DNM1L: variants seen among roughly 807,000 people sequenced by gnomAD.
The protein encoded by DNM1L is dynamin 1L.
DNM1L carries 33 observed loss-of-function variants against 92.8 expected under a neutral mutation model. The observed-to-expected ratio is 0.36, with a 90% CI of 0.27 to 0.48. The LOEUF (loss-of-function observed/expected upper bound fraction) is 0.48. Ranked by LOEUF, DNM1L falls within the 20% of genes least tolerant of loss-of-function variation. The pLI is 0.99. For synonymous variants in DNM1L, 284 were observed against 305.0 expected (o/e 0.93, Z 0.72); for missense variants, 485 against 888.8 (o/e 0.55, Z 5.78).
chr12:32,679,801 G>T (rs1951735897), intron 1 of DNM1L: 1 of 1,027,826 alleles, frequency 9.7e-7, no homozygotes, highest in Non-Finnish European at 1.2e-6. Flanking sequence ...GGCCTCGTCC[G>T]CGTGCCGCTG....
intron 2 of DNM1L, chr12:32,705,609 A>G: frequency 2.3e-6 from 1 of 442,138 alleles, no homozygotes; most frequent in Non-Finnish European, 4.0e-6. Context: ...TATTATATAC[A>G]TCCCTCTAAT....
At position 32,731,712 on chromosome 12, in the gene DNM1L, A is replaced by G; in HGVS notation, c.1357-142A>G. 1.0e-6 allele frequency: 1 copy of G among 971,650 alleles called. No homozygotes were observed. Among genetic ancestry groups the G allele is most frequent in the South Asian group, 1.5e-5 (1 of 67,258 alleles). 60.2% of individuals were successfully genotyped at this position (971,650 alleles called of 1,614,324 possible). On this transcript the variant is annotated intron_variant, in intron 11 of 19. Coordinates refer to ENST00000549701, the MANE Select transcript of DNM1L (RefSeq NM_012062.5). This position sits in a 1 kb window ranked among gnomAD's most constrained non-coding sequence, Gnocchi z 5.1. ...TTTCTGTGATCATTAAGTAAAAGAAAATGACTGTTAGCCTGGCATGGTGGC... is the reference window on the plus strand; with the variant it reads ...TTTCTGTGATCATTAAGTAAAAGAAGATGACTGTTAGCCTGGCATGGTGGC...
At chr12:32,696,876 C>T (rs28552417) in intron 1 of DNM1L, among the ~76,000 whole-genome samples, 8 of 150,026 alleles carry the variant, frequency 5.3e-5, no homozygotes, top group African/African-American at 9.8e-5. Context: ...CTGCCCACCT[C>T]GGCCTCCCAA....
At chr12:32,726,355 TC>T in intron 9 of DNM1L, 1 of 1,565,870 alleles carries the variant, frequency 6.4e-7, no homozygotes, top group Non-Finnish European at 8.8e-7. Flanking sequence ...GTGCAGGTTA[TC>T]CTCAAGGCCA....
At chr12:32,722,338 A>G in intron 8 of DNM1L, 89 bp from the exon 9 acceptor site, 3 of 1,037,572 alleles carry the variant, frequency 2.9e-6, no homozygotes, top group Admixed American at 2.0e-5. Context: ...ATTATTTGAT[A>G]GGTTTTCCCC....
rs1192273168 is a variant in DNM1L at position 32,743,939 on chromosome 12, C to CTT, written c.*531_*532dup. 10 of 158,142 alleles carry CTT rather than the reference C, an allele frequency of 6.3e-5. No individual in the cohort carries two copies. The highest frequency in any genetic ancestry group is 4.8e-4 in the Admixed American group (8 of 16,518). The allele number at this position is 158,142 out of a possible 1,614,324, so 9.8% of individuals were successfully genotyped here. On this transcript the variant is annotated 3_prime_UTR_variant, in exon 20 of 20. Transcript: ENST00000549701. ...AGTTTTTTCTGAGCTTCTTTGCAGC[C>CTT]TTTGATGTGTTTTTAAGAAAGCTGA... is the stretch of plus-strand genomic sequence containing the variant.
chr12:32,712,412 C>G (rs951989511), intron 5 of DNM1L, among the ~76,000 whole-genome samples: 1 of 152,068 alleles, frequency 6.6e-6, no homozygotes, highest in African/African-American at 2.4e-5. Flanking sequence ...TGCTCATTCT[C>G]TTAAGTGTCA....
intron 1 of DNM1L, among the ~76,000 whole-genome samples, chr12:32,691,899 A>G (rs1416639689): frequency 1.3e-5 from 2 of 152,114 alleles, no homozygotes; most frequent in Admixed American, 6.6e-5. Flanking sequence ...GAGAGAAGAG[A>G]CATACCCTGG....
chr12:32,708,146 T>A lies in DNM1L; in HGVS notation c.298-7T>A, dbSNP rs1346779614. 2 of 1,575,026 alleles carry A rather than the reference T, an allele frequency of 1.3e-6. No individual in the cohort carries two copies. Among genetic ancestry groups the A allele is most frequent in the Non-Finnish European group, 1.7e-6 (2 of 1,146,464 alleles). On this transcript the variant is annotated splice_region_variant and splice_polypyrimidine_tract_variant and intron_variant, in intron 3 of 19. Transcript: ENST00000549701. ...ATATTATGCTTTTTTATTTCAAAAA[T>A]TTTTAGCTTTACACGGATTTTGATG...
At chr12:32,742,227 C>T (rs1955354107) in intron 18 of DNM1L, among the ~76,000 whole-genome samples, 1 of 152,058 alleles carries the variant, frequency 6.6e-6, no homozygotes, top group Non-Finnish European at 1.5e-5. Context: ...ATCTCAGCCT[C>T]CCGAGTAGCT....
At chr12:32,691,286 T>G (rs1952222323) in intron 1 of DNM1L, among the ~76,000 whole-genome samples, 1 of 152,180 alleles carries the variant, frequency 6.6e-6, no homozygotes, top group Non-Finnish European at 1.5e-5. Flanking sequence ...GTCGCCAGGC[T>G]GGAGTGCAGA....
intron 1 of DNM1L, among the ~76,000 whole-genome samples, chr12:32,683,963 C>A (rs894208596): frequency 6.6e-6 from 1 of 152,182 alleles, no homozygotes; most frequent in Non-Finnish European, 1.5e-5. Flanking sequence ...TATGAGCCAC[C>A]ATGCCCGGCC....
At position 32,705,066 on chromosome 12, in the gene DNM1L, C is replaced by T. The variant is rs150712930; in HGVS notation, c.251-2301C>T. The stretch of plus-strand genomic sequence containing the variant: ...TGTTGCCCAGGCTGGTGTGCAGTGG[C>T]ACAATGATCTCAGCTCACTGAAACC... On this transcript the variant is annotated intron_variant, in intron 2 of 19. Transcript: ENST00000549701. 8.3e-5 allele frequency among the ~76,000 whole-genome samples: 12 copies of T among 145,232 alleles called. No homozygotes were observed. In the East Asian group the frequency reaches 2.0e-3, roughly 25 times the overall value.
At chr12:32,686,865 A>C (rs1214210916) in intron 1 of DNM1L, among the ~76,000 whole-genome samples, 1 of 151,392 alleles carries the variant, frequency 6.6e-6, no homozygotes, top group East Asian at 1.9e-4. Context: ...CTAATGACTA[A>C]TGGTGTTGAA....
At chr12:32,737,279 GAACT>G (rs753045945) in intron 14 of DNM1L, 118 bp downstream of exon 14, 42 of 996,380 alleles carry the variant, frequency 4.2e-5, no homozygotes, top group African/African-American at 9.7e-5. Flanking sequence ...CACTCCATTG[GAACT>G]AACTGAGTAA....
At position 32,718,013 on chromosome 12, in the gene DNM1L, GTATA is replaced by G. The variant is rs1193902542; in HGVS notation, c.620-624_620-621del. 1.3e-4 allele frequency among the ~76,000 whole-genome samples: 15 copies of G among 112,962 alleles called. 1 individual carries two copies. The highest frequency in any genetic ancestry group is 5.2e-4 in the African/African-American group (15 of 28,766). 74.1% of individuals were successfully genotyped at this position (112,962 alleles called of 152,430 possible). A position where few individuals can be genotyped will look rare whatever the true frequency, so the allele number is the denominator to read the frequency against. ...ATGTATAGTATATATAATATATATA[GTATA>G]TATATTATAAATATATACTATACAT... On this transcript the variant is annotated intron_variant, in intron 6 of 19. Transcript: ENST00000549701.
intron 19 of DNM1L, 138 bp downstream of exon 19, chr12:32,742,886 A>C: frequency 1.6e-6 from 1 of 606,290 alleles, no homozygotes; most frequent in Non-Finnish European, 2.5e-6. Context: ...CTTGATAAGA[A>C]TCTTTTTTTT....
chr12:32,728,411 G>A (rs1954300206), intron 9 of DNM1L: 1 of 152,090 alleles, frequency 6.6e-6, no homozygotes. Flanking sequence ...GTAATACTGG[G>A]CTTGATTAGG....
rs1168488577 is a variant in DNM1L, at chr12:32,744,746, TAC to T, written c.*1340_*1341del. On this transcript the variant is annotated 3_prime_UTR_variant, in exon 20 of 20. Transcript: ENST00000549701. ...AAAAATAAAACAACACCCAGATAGATACACATACTCCTTCAGACTTACAGACC... is the reference window on the plus strand; with the variant it reads ...AAAAATAAAACAACACCCAGATAGATACATACTCCTTCAGACTTACAGACC... 1 of 395,582 alleles carries T rather than the reference TAC, an allele frequency of 2.5e-6. No individual in the cohort carries two copies. The highest frequency in any genetic ancestry group is 1.9e-5 in the South Asian group (1 of 52,980). 24.5% of individuals were successfully genotyped at this position (395,582 alleles called of 1,614,324 possible). A position where few individuals can be genotyped will look rare whatever the true frequency, so the allele number is the denominator to read the frequency against.
Sources: allele counts gnomAD v4.1 joint callset (sites outside exome capture counted in the v4.1 genomes callset), GRCh38; gene constraint gnomAD v4.1.1; non-coding constraint Gnocchi (gnomAD v3.1); transcripts MANE v1.5; gene names NCBI Gene and HGNC (gene_info 2026-07-23, HGNC 2026-07-21).